RNFT2: variants seen among roughly 807,000 people sequenced by gnomAD.
The protein encoded by RNFT2 is ring finger protein, transmembrane 2.
RNFT2 carries 36 observed loss-of-function variants against 53.0 expected under a neutral mutation model. The observed-to-expected ratio is 0.68, with a 90% CI of 0.52 to 0.90. The LOEUF is 0.90. Among genes scored for constraint, RNFT2 ranks in the 40% least tolerant of loss-of-function variants. RNFT2 has a pLI of 0.00. For missense variants in RNFT2, 514 were observed against 585.6 expected, an observed-to-expected ratio of 0.88 and a Z score of 1.26; for synonymous variants, 260 against 253.2, an observed-to-expected ratio of 1.03 and a Z score of -0.26.
chr12:116,791,690 A>G (rs577362967), intron 7 of RNFT2, among the ~76,000 whole-genome samples: 24 of 152,374 alleles, frequency 1.6e-4, no homozygotes, highest in South Asian at 8.3e-4. Flanking sequence ...GTCAATGGAC[A>G]TCTAGGCTGT....
chr12:116,753,148 C>CT (rs11377177), intron 4 of RNFT2, among the ~76,000 whole-genome samples: 45,957 of 93,692 alleles, frequency 0.49, 12,940 homozygotes, highest in Admixed American at 0.6. Flanking sequence ...TTTTCTTTTT[C>CT]TTTTTTTTTT....
intron 6 of RNFT2, among the ~76,000 whole-genome samples, chr12:116,774,568 G>A (rs1174799614): frequency 6.6e-6 from 1 of 152,170 alleles, no homozygotes; most frequent in Non-Finnish European, 1.5e-5. Flanking sequence ...GGGTAGGGTT[G>A]GCCAGAGGAC....
At chr12:116,748,313 GCT>G (rs1872009098) in intron 3 of RNFT2, among the ~76,000 whole-genome samples, 1 of 152,154 alleles carries the variant, frequency 6.6e-6, no homozygotes, top group South Asian at 2.1e-4. Flanking sequence ...CTAACTCCGG[GCT>G]CTCTGCTCCG....
chr12:116,833,540 G>A (rs777411951), intron 7 of RNFT2, among the ~76,000 whole-genome samples: 21 of 152,310 alleles, frequency 1.4e-4, no homozygotes, highest in Non-Finnish European at 2.4e-4. Context: ...CTCCTACCCT[G>A]AAACTCGATC....
chr12:116,817,535 T>C (rs1037395099), intron 7 of RNFT2, among the ~76,000 whole-genome samples: 6 of 152,212 alleles, frequency 3.9e-5, no homozygotes, highest in Admixed American at 6.5e-5. Context: ...CCACGCCTAA[T>C]TTCCTACTCA....
At chr12:116,787,970 C>T (rs914432558) in intron 7 of RNFT2, among the ~76,000 whole-genome samples, 1 of 152,174 alleles carries the variant, frequency 6.6e-6, no homozygotes, top group Non-Finnish European at 1.5e-5. Flanking sequence ...TCTTGTTGCC[C>T]AGGCTGGAGT....
intron 6 of RNFT2, among the ~76,000 whole-genome samples, chr12:116,777,488 G>A (rs1873489458): frequency 6.6e-6 from 1 of 152,162 alleles, no homozygotes. Context: ...TCACATATCT[G>A]GTCATGGATA....
chr12:116,820,121 T>A (rs1311208843), intron 7 of RNFT2, among the ~76,000 whole-genome samples: 2 of 152,238 alleles, frequency 1.3e-5, no homozygotes, highest in Non-Finnish European at 2.9e-5. Flanking sequence ...AAGACAGTCT[T>A]ACTGTGTCTC....
chr12:116,819,663 C>G (rs564679314), intron 7 of RNFT2, among the ~76,000 whole-genome samples: 200 of 152,296 alleles, frequency 1.3e-3, no homozygotes, highest in Middle Eastern at 3.4e-3. Context: ...CGGCCACCAG[C>G]CCCGCCCCGC....
chr12:116,814,589 CAGA>C (rs1028487254), intron 7 of RNFT2, among the ~76,000 whole-genome samples: 204 of 152,122 alleles, frequency 1.3e-3, no homozygotes, highest in African/African-American at 4.6e-3. Context: ...GTGGCTGGAG[CAGA>C]AGAAGGGGCA....
At chr12:116,752,196 AAGAG>A (rs113623886) in intron 4 of RNFT2, among the ~76,000 whole-genome samples, 1 of 150,914 alleles carries the variant, frequency 6.6e-6, no homozygotes, top group East Asian at 2.0e-4. Context: ...CTGAAAAAAA[AAGAG>A]AGAGAGAGAA....
At position 116,762,986 on chromosome 12, in the gene RNFT2, G is replaced by A. The variant is rs1315816800; in HGVS notation, c.628-3828G>A. On this transcript the variant is annotated intron_variant, in intron 5 of 10. Transcript: ENST00000257575. Reference sequence around the variant, plus strand: ...CATCCTAGCTACTCAGGAGGCTGAAGCAGGAGGATTGCTTGATCCCAGGAG... The same window carrying A: ...CATCCTAGCTACTCAGGAGGCTGAAACAGGAGGATTGCTTGATCCCAGGAG... 5.9e-5 allele frequency among the ~76,000 whole-genome samples: 9 copies of A among 152,296 alleles called. No homozygotes were observed. In the South Asian group the frequency reaches 1.9e-3, roughly 32 times the overall value.
chr12:116,829,894 A>C (rs1876549452), intron 7 of RNFT2, among the ~76,000 whole-genome samples: 2 of 151,992 alleles, frequency 1.3e-5, no homozygotes, highest in African/African-American at 2.4e-5. Context: ...TTTCCCCTCT[A>C]ATTTAAACAT....
At chr12:116,793,880 A>C (rs919470102) in intron 7 of RNFT2, among the ~76,000 whole-genome samples, 2 of 152,062 alleles carry the variant, frequency 1.3e-5, no homozygotes, top group African/African-American at 4.8e-5. Context: ...GTCTTTATTT[A>C]TTTTCTGTCC....
At chr12:116,778,323 G>C (rs1348493397) in intron 6 of RNFT2, among the ~76,000 whole-genome samples, 1 of 152,142 alleles carries the variant, frequency 6.6e-6, no homozygotes, top group African/African-American at 2.4e-5. Context: ...TGAGTGGTTT[G>C]GTGTCGTTCT....
chr12:116,832,706 G>A (rs1194992180), intron 7 of RNFT2, among the ~76,000 whole-genome samples: 2 of 152,058 alleles, frequency 1.3e-5, no homozygotes, highest in Non-Finnish European at 2.9e-5. Flanking sequence ...AAGGTCAAGG[G>A]GAGGAAGAGA....
At chr12:116,766,194 AT>A (rs887662309) in intron 5 of RNFT2, among the ~76,000 whole-genome samples, 5 of 152,254 alleles carry the variant, frequency 3.3e-5, no homozygotes, top group African/African-American at 1.2e-4. Context: ...AGGCAGGAGG[AT>A]CACTTGAGCC....
At chr12:116,805,083 A>T (rs1005623488) in intron 7 of RNFT2, among the ~76,000 whole-genome samples, 9 of 151,212 alleles carry the variant, frequency 6.0e-5, no homozygotes, top group Non-Finnish European at 1.3e-4. Context: ...TTCAAGGTGT[A>T]CTAGAGACAC....
intron 4 of RNFT2, among the ~76,000 whole-genome samples, chr12:116,750,906 A>ATTTTTTT (rs35386897): frequency 1.6e-5 from 1 of 62,748 alleles, no homozygotes; most frequent in African/African-American, 8.5e-5. Context: ...ATATATATAT[A>ATTTTTTT]TATTTTTTTT....
Sources: gnomAD v4.1 joint callset for allele counts (sites outside exome capture counted in the v4.1 genomes callset) on GRCh38, gnomAD v4.1.1 for gene constraint, MANE v1.5 for transcripts, NCBI Gene and HGNC (gene_info 2026-07-23, HGNC 2026-07-21) for gene names.